Variants in CAMK4 observed in about 807,000 individuals in gnomAD.
The protein encoded by CAMK4 is calcium/calmodulin-dependent protein kinase type IV.
A neutral mutation model predicts 44.9 loss-of-function variants in CAMK4; 22 were observed. The observed-to-expected ratio is 0.49, with a 90% confidence interval of 0.35 to 0.70. The LOEUF is 0.70. CAMK4 is among the 30% of genes least tolerant of loss of function. CAMK4 has a pLI of 0.01. For missense variants in CAMK4, 498 were observed against 586.8 expected, an observed-to-expected ratio of 0.85 and a Z score of 1.56; for synonymous variants, 218 against 215.4, an observed-to-expected ratio of 1.01 and a Z score of -0.11.
intron 1 of CAMK4, among the ~76,000 whole-genome samples, chr5:111,294,888 A>G (rs1255123211): frequency 6.6e-6 from 1 of 152,198 alleles, no homozygotes; most frequent in African/African-American, 2.4e-5. Flanking sequence ...CTACTAAGCT[A>G]TGTGCAGTGC....
At chr5:111,264,714 C>T (rs1024888309) in intron 1 of CAMK4, among the ~76,000 whole-genome samples, 8 of 151,754 alleles carry the variant, frequency 5.3e-5, no homozygotes, top group Non-Finnish European at 1.0e-4. Context: ...GAGATTGAGC[C>T]CTCTTCTTTC....
chr5:111,226,550 A>G (rs1748201776), intron 1 of CAMK4, among the ~76,000 whole-genome samples: 1 of 152,262 alleles, frequency 6.6e-6, no homozygotes, highest in Non-Finnish European at 1.5e-5. Flanking sequence ...TACCTGAAAC[A>G]TGCTCAGAAC....
intron 4 of CAMK4, among the ~76,000 whole-genome samples, chr5:111,383,171 G>T (rs1210448032): frequency 6.6e-6 from 1 of 152,180 alleles, no homozygotes; most frequent in African/African-American, 2.4e-5. Flanking sequence ...GGAGAGATTT[G>T]TATGAGAGGG....
At chr5:111,406,194 T>TTCTCTCTCTCTC (rs10524853) in intron 5 of CAMK4, among the ~76,000 whole-genome samples, 1,386 of 136,800 alleles carry the variant, frequency 0.01, 11 homozygotes, top group East Asian at 0.017. Flanking sequence ...CTAATTTATT[T>TTCTCTCTCTCTC]TCTCTCTCTC....
intron 5 of CAMK4, among the ~76,000 whole-genome samples, chr5:111,430,700 C>G (rs922940224): frequency 1.3e-5 from 2 of 151,924 alleles, no homozygotes; most frequent in African/African-American, 4.8e-5. Flanking sequence ...AGTAATCCCA[C>G]CTAAAATAGC....
intron 1 of CAMK4, among the ~76,000 whole-genome samples, chr5:111,240,753 A>G (rs1644910531): frequency 6.6e-6 from 1 of 152,220 alleles, no homozygotes; most frequent in African/African-American, 2.4e-5. Context: ...ATTGGATATC[A>G]CAGCCTTTCA....
At chr5:111,320,898 G>A (rs969383698) in intron 1 of CAMK4, among the ~76,000 whole-genome samples, 5 of 152,182 alleles carry the variant, frequency 3.3e-5, no homozygotes, top group Admixed American at 1.3e-4. Flanking sequence ...ATAACTATGG[G>A]CTGTCACAGT....
At position 111,240,453 on chromosome 5, in the gene CAMK4, C is replaced by T. The variant is rs188574496; in HGVS notation, c.161+15809C>T. ...ATACCTAAAAAATGTATTTCTCTAA[C>T]GTGATACCTAAGTTGTAAAAGAAAG... On this transcript the variant is annotated intron_variant, in intron 1 of 10. Coordinates refer to ENST00000282356, the MANE Select transcript of CAMK4 (RefSeq NM_001744.6). Among the ~76,000 whole-genome samples the T allele has an allele frequency of 1.0e-3, 154 of 152,302 alleles. 1 individual carries two copies. The highest frequency in any genetic ancestry group is 6.9e-3 in the Admixed American group (105 of 15,304).
At chr5:111,319,351 G>C (rs1748564404) in intron 1 of CAMK4, among the ~76,000 whole-genome samples, 1 of 152,182 alleles carries the variant, frequency 6.6e-6, no homozygotes. Flanking sequence ...TTCAGTATCA[G>C]CTTTTCCCTT....
At chr5:111,413,529 A>G (rs1187032304) in intron 5 of CAMK4, among the ~76,000 whole-genome samples, 6 of 151,934 alleles carry the variant, frequency 3.9e-5, no homozygotes, top group Non-Finnish European at 4.4e-5. Flanking sequence ...GTGAGCCAAG[A>G]TCGTGCCACT....
chr5:111,469,977 G>A (rs930443467), intron 7 of CAMK4, among the ~76,000 whole-genome samples: 32 of 152,366 alleles, frequency 2.1e-4, no homozygotes, highest in African/African-American at 6.5e-4. Flanking sequence ...TATGGGGCTT[G>A]ATAGCATTTC....
chr5:111,427,664 A>T (rs985381749), intron 5 of CAMK4, among the ~76,000 whole-genome samples: 3 of 152,118 alleles, frequency 2.0e-5, no homozygotes, highest in Admixed American at 1.3e-4. Flanking sequence ...TTCAAAAGGG[A>T]TGGAAAGAGT....
intron 5 of CAMK4, among the ~76,000 whole-genome samples, chr5:111,395,745 G>T (rs538557448): frequency 1.1e-4 from 16 of 152,124 alleles, no homozygotes; most frequent in Non-Finnish European, 1.9e-4. Flanking sequence ...AGACTCAACT[G>T]ACTAAAAGCT....
chr5:111,230,403 C>T (rs992218868), intron 1 of CAMK4, among the ~76,000 whole-genome samples: 1 of 152,188 alleles, frequency 6.6e-6, no homozygotes, highest in African/African-American at 2.4e-5. Context: ...GCTATACCAT[C>T]CACTAAAGTT....
intron 1 of CAMK4, among the ~76,000 whole-genome samples, chr5:111,228,465 A>G (rs574469234): frequency 2.9e-4 from 44 of 151,466 alleles, no homozygotes; most frequent in Non-Finnish European, 4.7e-4. Flanking sequence ...ATCCCTTGCT[A>G]TATGTATTAT....
chr5:111,331,717 C>G (rs1157983197), intron 1 of CAMK4, among the ~76,000 whole-genome samples: 1 of 151,540 alleles, frequency 6.6e-6, no homozygotes, highest in Non-Finnish European at 1.5e-5. Flanking sequence ...CTCTGTTTAC[C>G]AAGGATAGTC....
intron 7 of CAMK4, among the ~76,000 whole-genome samples, chr5:111,464,298 T>A (rs1456449127): frequency 6.6e-6 from 1 of 151,770 alleles, no homozygotes; most frequent in East Asian, 1.9e-4. Flanking sequence ...AAAAAAAGAA[T>A]TTAAAAAAAT....
intron 1 of CAMK4, among the ~76,000 whole-genome samples, chr5:111,320,726 G>A (rs933569305): frequency 6.6e-6 from 1 of 151,986 alleles, no homozygotes; most frequent in Non-Finnish European, 1.5e-5. Flanking sequence ...GGCTGGTCTC[G>A]AACTCCTGAC....
chr5:111,317,930 G>GAAAAAAAAAAAAAAAAAAAAAAAAA (rs1748501495), intron 1 of CAMK4, among the ~76,000 whole-genome samples: 6 of 71,668 alleles, frequency 8.4e-5, no homozygotes, highest in African/African-American at 1.5e-4. Context: ...AAAAAAAAAG[G>GAAAAAAAAAAAAAAAAAAAAAAAAA]AAAACAGGAT....
Sources: allele counts gnomAD v4.1 joint callset (sites outside exome capture counted in the v4.1 genomes callset), GRCh38; gene constraint gnomAD v4.1.1; transcripts MANE v1.5; gene names NCBI Gene and HGNC (gene_info 2026-07-23, HGNC 2026-07-21).